Variants in WDR62 observed in about 807,000 individuals in gnomAD.
WDR62 encodes WD repeat-containing protein 62.
A neutral mutation model predicts 160.6 loss-of-function variants in WDR62; 112 were observed. That is an observed-to-expected ratio of 0.70 (90% CI 0.60 to 0.82). The LOEUF (loss-of-function observed/expected upper bound fraction) is 0.82, where lower values mean the gene tolerates loss of function less well. Ranked by LOEUF, WDR62 falls within the 40% of genes least tolerant of loss-of-function variation. WDR62 has a pLI of 0.00. For synonymous variants in WDR62, 792 were observed against 815.1 expected (o/e 0.97, Z 0.48); for missense variants, 1,819 against 1,983.8 (o/e 0.92, Z 1.58).
intron 3 of WDR62, among the ~76,000 whole-genome samples, chr19:36,064,307 A>C (rs1389168395): frequency 6.6e-6 from 1 of 151,314 alleles, no homozygotes; most frequent in East Asian, 1.9e-4. Flanking sequence ...ACAGAGTCTC[A>C]CTCTGTTGCC....
chr19:36,081,216 T>C (rs1971876398), intron 9 of WDR62, among the ~76,000 whole-genome samples: 1 of 152,246 alleles, frequency 6.6e-6, no homozygotes, highest in South Asian at 2.1e-4. Flanking sequence ...TGGAAGTTTA[T>C]TTGAGGGTAT....
intron 18 of WDR62, 31 bp downstream of exon 18, chr19:36,091,496 C>T (rs762398790): frequency 1.6e-5 from 25 of 1,605,026 alleles, no homozygotes; most frequent in Non-Finnish European, 1.9e-5. Flanking sequence ...AGAGTTGTGG[C>T]TCAGATACCA....
At chr19:36,059,099 G>GCT in intron 2 of WDR62, 2 of 677,458 alleles carry the variant, frequency 3.0e-6, no homozygotes, top group Non-Finnish European at 5.6e-6. Flanking sequence ...CTACAGGGGG[G>GCT]AGGTGACAGC....
intron 7 of WDR62, among the ~76,000 whole-genome samples, chr19:36,068,224 C>T (rs1971049619): frequency 2.0e-5 from 3 of 152,186 alleles, no homozygotes; most frequent in Non-Finnish European, 4.4e-5. Context: ...ATAACATAGG[C>T]AAGGCAGTGA....
chr19:36,102,745 C>T lies in WDR62; in HGVS notation c.3229C>T (p.Pro1077Ser), dbSNP rs1973446640. The T allele has an allele frequency of 6.2e-7, 1 of 1,614,072 alleles. No individual in the cohort carries two copies. The highest frequency in any genetic ancestry group is 8.5e-7 in the Non-Finnish European group (1 of 1,179,904). Reference sequence around the variant, plus strand: ...TCGGGATCTTCCCCTAGAGCTCTTCCCCGCAGCTCTGGGAGACGTGGAGGC... The same window carrying T: ...TCGGGATCTTCCCCTAGAGCTCTTCTCCGCAGCTCTGGGAGACGTGGAGGC... Reference protein sequence around the residue: ...LTESPCRELFPAALGDVEASE... With the variant: ...LTESPCRELFSAALGDVEASE... Residue 1077 changes from proline (P) to serine (S), a missense_variant, in exon 27 of 32, where the codon CCC (proline) becomes TCC (serine). This residue lies in a region of WDR62 where 770 missense variants were observed against 734.2 expected (regional missense o/e 1.05). Coordinates refer to ENST00000401500, the MANE Select transcript of WDR62 (RefSeq NM_001083961.2).
intron 21 of WDR62, among the ~76,000 whole-genome samples, chr19:36,098,263 T>TAA (rs570573692): frequency 2.1e-5 from 3 of 140,630 alleles, no homozygotes; most frequent in South Asian, 2.3e-4. Context: ...CCTTGTCTCT[T>TAA]AAAAAAAAAA....
chr19:36,077,678 C>T (rs1278248811), intron 9 of WDR62, among the ~76,000 whole-genome samples: 1 of 151,744 alleles, frequency 6.6e-6, no homozygotes, highest in East Asian at 1.9e-4. Flanking sequence ...CTCACTGCAA[C>T]CTCCACCTCC....
At chr19:36,095,967 C>G (rs1972931994) in intron 20 of WDR62, among the ~76,000 whole-genome samples, 1 of 152,214 alleles carries the variant, frequency 6.6e-6, no homozygotes, top group South Asian at 2.1e-4. Flanking sequence ...CCTGATTGCA[C>G]ATCACTGTTA....
In WDR62 at chr19:36,055,056, AG is replaced by A; in HGVS notation, c.89del (p.Gly30AlafsTer47). 1.3e-6 allele frequency: 2 copies of A among 1,589,314 alleles called. No individual in the cohort carries two copies. Among genetic ancestry groups the A allele is most frequent in the Non-Finnish European group, 1.7e-6 (2 of 1,169,756 alleles). The stretch of plus-strand genomic sequence containing the variant: ...TGTCATGGCGGGAGTTCCGGCGCGG[AG>A]GGGCCAGTCCTCCCCGCCCCCCGCC... ...PSVMAGVPARRGQSSPPPAPP... is the reference protein window; with the variant it reads ...PSVMAGVPARXGQSSPPPAPP... On this transcript the variant is annotated frameshift_variant, in exon 1 of 32. Coordinates refer to ENST00000401500, the MANE Select transcript of WDR62 (RefSeq NM_001083961.2). LOFTEE classifies it high-confidence loss of function.
rs780831451 is a variant in WDR62 at position 36,103,930 on chromosome 19, G to T, written c.4102G>T (p.Ala1368Ser). ...CCCCAGTAACCCCCAGCTTCCAGAG[G>T]CCCGGCCTGGCATCCCTGGCGGCAC... is the stretch of plus-strand genomic sequence containing the variant. Reference protein sequence around the residue: ...AHPSNPQLPEARPGIPGGTAS... With the variant: ...AHPSNPQLPESRPGIPGGTAS... The change falls in exon 30 of 32, where the codon GCC becomes TCC. Residue 1368 changes from alanine to serine, a missense_variant. By Grantham distance (99) the Ala-to-Ser change is moderately conservative (BLOSUM62 1). Coordinates refer to ENST00000401500, the MANE Select transcript of WDR62 (RefSeq NM_001083961.2). 1 of 1,599,044 alleles carries T rather than the reference G, an allele frequency of 6.3e-7. No individual in the cohort carries two copies. The highest frequency in any genetic ancestry group is 2.2e-5 in the East Asian group (1 of 44,878).
rs566997979 is a variant in WDR62 at position 36,099,679 on chromosome 19, C to T, written c.2739+62C>T. ...GCACCGTGACGGCCCCAGGGCCTGG[C>T]GCCTTAGGCTGACTCCCACTCCATG... On this transcript the variant is annotated intron_variant, in intron 22 of 31. Transcript: ENST00000401500. The T allele has an allele frequency of 1.1e-4, 169 of 1,540,820 alleles. No homozygotes were observed. The African/African-American group carries it at 1.2e-3, about 11-fold the overall frequency.
At chr19:36,100,681 T>C in intron 22 of WDR62, 67 bp from the exon 23 acceptor site, 2 of 1,607,226 alleles carry the variant, frequency 1.2e-6, no homozygotes, top group Non-Finnish European at 1.7e-6. Context: ...GCTGGCATGG[T>C]TCCTGGCGCA....
chr19:36,091,553 C>G, intron 18 of WDR62, 88 bp downstream of exon 18: 1 of 1,326,620 alleles, frequency 7.5e-7, no homozygotes, highest in Non-Finnish European at 1.1e-6. Context: ...TTCTAAACTG[C>G]CCAGTTTGGA....
At chr19:36,094,661 G>A (rs905267008) in intron 20 of WDR62, among the ~76,000 whole-genome samples, 1 of 151,970 alleles carries the variant, frequency 6.6e-6, no homozygotes, top group African/African-American at 2.4e-5. Context: ...AGGCTGAAAT[G>A]GGAGGGTCAC....
intron 13 of WDR62, among the ~76,000 whole-genome samples, chr19:36,087,374 G>A (rs1972305302): frequency 1.3e-5 from 2 of 151,888 alleles, no homozygotes; most frequent in South Asian, 4.2e-4. Flanking sequence ...AGGCATGGTG[G>A]TGTGCACCTG....
downstream of WDR62, among the ~76,000 whole-genome samples, chr19:36,107,334 G>C (rs1275950563): frequency 6.6e-6 from 1 of 152,164 alleles, no homozygotes; most frequent in Non-Finnish European, 1.5e-5. Flanking sequence ...GAAGTGCCTG[G>C]CATAAGCCTG....
In WDR62 at chr19:36,102,941, C is replaced by G. The variant is rs1973464999; in HGVS notation, c.3336-7C>G. ...GAGAATCATCCCCCCTGCTCTCCTC[C>G]CCACAGGTTCACCCATACCTTCCCT... On this transcript the variant is annotated splice_region_variant and splice_polypyrimidine_tract_variant and intron_variant, in intron 27 of 31. Transcript: ENST00000401500. 10 of 1,614,184 alleles carry G rather than the reference C, an allele frequency of 6.2e-6. No individual in the cohort carries two copies. Among genetic ancestry groups the G allele is most frequent in the Non-Finnish European group, 8.5e-6 (10 of 1,180,038 alleles).
intron 3 of WDR62, chr19:36,061,936 T>TA (rs1432936047): frequency 2.6e-5 from 4 of 151,752 alleles, no homozygotes; most frequent in African/African-American, 9.7e-5. Context: ...TCACAAATGT[T>TA]AGCTTTTTTT....
chr19:36,094,091 A>G lies in WDR62; in HGVS notation c.2394A>G (p.Thr798=), dbSNP rs1409653430. ...ACTCCCTGAGCCCTGGAGAGCAAAC[A>G]GAGGATGATCTGGAGGAAGAGTGTG... ...EIHSLSPGEQ[T]EDDLEEECEP... The change falls in exon 20 of 32, where the codon ACA becomes ACG. Residue 798 remains threonine, a synonymous_variant. Coordinates refer to ENST00000401500, the MANE Select transcript of WDR62 (RefSeq NM_001083961.2). The G allele has an allele frequency of 1.2e-6, 2 of 1,614,172 alleles. No individual in the cohort carries two copies. The highest frequency in any genetic ancestry group is 4.5e-5 in the East Asian group (2 of 44,880).
Sources: gnomAD v4.1 joint callset for allele counts (sites outside exome capture counted in the v4.1 genomes callset) on GRCh38, gnomAD v4.1.1 for gene constraint, gnomAD v4.1.1 regional missense constraint, MANE v1.5 for transcripts, NCBI Gene and HGNC (gene_info 2026-07-23, HGNC 2026-07-21) for gene names.